DAB1: variants seen among roughly 807,000 people sequenced by gnomAD.
DAB1 encodes the protein DAB adaptor protein 1.
A neutral mutation model predicts 64.6 loss-of-function variants in DAB1; 15 were observed. The observed-to-expected ratio is 0.23, with a 90% CI of 0.16 to 0.36. The LOEUF (loss-of-function observed/expected upper bound fraction) is 0.36, where lower values mean the gene tolerates loss of function less well. Ranked by LOEUF, DAB1 falls within the 10% of genes least tolerant of loss-of-function variation. DAB1 has a pLI of 1.00. For synonymous variants in DAB1, 235 were observed against 251.9 expected, an observed-to-expected ratio of 0.93 and a Z score of 0.64; for missense variants, 596 against 706.7, an observed-to-expected ratio of 0.84 and a Z score of 1.78.
chr1:57,611,873 C>CT (rs1645730794), intron 7 of DAB1, among the ~76,000 whole-genome samples: 2 of 152,330 alleles, frequency 1.3e-5, no homozygotes. Flanking sequence ...TAAGGTCTTC[C>CT]TATTGCACTT....
intron 6 of DAB1, among the ~76,000 whole-genome samples, chr1:57,722,528 T>C (rs370177166): frequency 9.2e-5 from 14 of 152,296 alleles, no homozygotes; most frequent in African/African-American, 2.9e-4. Flanking sequence ...TTCCCAGCAG[T>C]GAATACCCAT....
intron 2 of DAB1, among the ~76,000 whole-genome samples, chr1:57,218,491 G>A (rs1666593332): frequency 8.4e-6 from 1 of 119,014 alleles, no homozygotes; most frequent in Non-Finnish European, 1.6e-5. Flanking sequence ...GCCAACCTGA[G>A]CAACATAGTG....
At chr1:57,735,368 T>A (rs576211464) in intron 6 of DAB1, among the ~76,000 whole-genome samples, 183 of 152,304 alleles carry the variant, frequency 1.2e-3, no homozygotes, top group African/African-American at 4.1e-3. Flanking sequence ...CACTGGAGGT[T>A]TGAAGTTTCA....
intron 7 of DAB1, among the ~76,000 whole-genome samples, chr1:57,615,700 G>GA (rs5774363): frequency 0.93 from 140,520 of 151,310 alleles, 65,438 homozygotes; most frequent in East Asian, 1. Flanking sequence ...TTGAGTCAAA[G>GA]AAAAAAAAGT....
At chr1:57,184,859 A>C (rs765501372) in intron 2 of DAB1, among the ~76,000 whole-genome samples, 1 of 151,942 alleles carries the variant, frequency 6.6e-6, no homozygotes, top group Admixed American at 6.6e-5. Flanking sequence ...CTTCTCCCCA[A>C]CTCAACCAGT....
chr1:57,604,571 C>A (rs1046079731), intron 7 of DAB1, among the ~76,000 whole-genome samples: 2 of 152,170 alleles, frequency 1.3e-5, no homozygotes, highest in African/African-American at 4.8e-5. Flanking sequence ...TTATAAACTA[C>A]GGACCCACAG....
At chr1:57,526,488 C>A (rs909282463) in intron 7 of DAB1, among the ~76,000 whole-genome samples, 21 of 152,108 alleles carry the variant, frequency 1.4e-4, no homozygotes, top group African/African-American at 4.8e-4. Flanking sequence ...GTCTATGGTT[C>A]ATCTAATTTA....
At chr1:57,731,900 A>G (rs1465658040) in intron 6 of DAB1, among the ~76,000 whole-genome samples, 6 of 152,128 alleles carry the variant, frequency 3.9e-5, no homozygotes, top group East Asian at 1.9e-4. Flanking sequence ...AATCCGAAAC[A>G]TATGTGTTTG....
chr1:57,999,273 A>T (rs948165318), intron 5 of DAB1, among the ~76,000 whole-genome samples: 3 of 152,184 alleles, frequency 2.0e-5, no homozygotes, highest in African/African-American at 7.2e-5. Flanking sequence ...AAGGTACTGA[A>T]GATCAGCCAG....
chr1:57,685,505 G>A lies in DAB1; in HGVS notation n.552-35840C>T, dbSNP rs377716552. ...CCATTGACAGTGTTAGATCAACAAG[G>A]TAGGAAACTAGCGAAGAAATTCTGG... On this transcript the variant is annotated intron_variant and non_coding_transcript_variant, in intron 6 of 20. Transcript: ENST00000485760. 1.8e-4 allele frequency among the ~76,000 whole-genome samples: 28 copies of A among 152,222 alleles called. 1 individual carries two copies. In the East Asian group the frequency reaches 3.5e-3, roughly 19 times the overall value.
At chr1:57,511,988 A>G (rs191700797) in intron 7 of DAB1, among the ~76,000 whole-genome samples, 47 of 152,304 alleles carry the variant, frequency 3.1e-4, no homozygotes, top group African/African-American at 1.1e-3. Flanking sequence ...TACAGTGTCA[A>G]GTGTTTTAAA....
At chr1:58,119,105 C>A (rs1402484749) in intron 5 of DAB1, among the ~76,000 whole-genome samples, 1 of 152,270 alleles carries the variant, frequency 6.6e-6, no homozygotes, top group East Asian at 1.9e-4. Context: ...TTAATAGGCA[C>A]TCAATCTATG....
chr1:57,251,865 G>T (rs932352682), intron 2 of DAB1, among the ~76,000 whole-genome samples: 1 of 152,156 alleles, frequency 6.6e-6, no homozygotes, highest in South Asian at 2.1e-4. Flanking sequence ...ATGGGCACAT[G>T]GTGTGCTGAG....
chr1:57,193,030 T>C (rs954296797), intron 2 of DAB1, among the ~76,000 whole-genome samples: 3 of 152,192 alleles, frequency 2.0e-5, no homozygotes, highest in Non-Finnish European at 4.4e-5. Flanking sequence ...CTAAACAACA[T>C]ACGTATTACC....
intron 1 of DAB1, among the ~76,000 whole-genome samples, chr1:57,374,643 TG>T (rs777406734): frequency 2.0e-5 from 3 of 152,344 alleles, no homozygotes; most frequent in Admixed American, 6.5e-5. Context: ...CTGCCCTTCC[TG>T]GTCTCTTCAG....
rs531972951 is a variant in DAB1, at chr1:58,430,869, G to A, written n.257+75191C>T. 3.3e-3 allele frequency among the ~76,000 whole-genome samples: 496 copies of A among 152,310 alleles called. 1 individual carries two copies. The highest frequency in any genetic ancestry group is 5.9e-3 in the African/African-American group (245 of 41,554). ...GCTAAACCTGTGGCTCAGTGTGAGC[G>A]AGAGCAAGCCGCATCTGGAGAGAAG... On this transcript the variant is annotated intron_variant and non_coding_transcript_variant, in intron 3 of 20. Coordinates refer to the DAB1 transcript ENST00000485760.
chr1:57,595,670 G>A (rs1354924954), intron 7 of DAB1, among the ~76,000 whole-genome samples: 1 of 151,518 alleles, frequency 6.6e-6, no homozygotes, highest in Non-Finnish European at 1.5e-5. Context: ...TAATCCCAGT[G>A]TTGGAGGTGG....
At chr1:57,922,845 C>CAAAAAAAAAAAAAAAGA (rs1644828255) in intron 5 of DAB1, among the ~76,000 whole-genome samples, 1 of 45,010 alleles carries the variant, frequency 2.2e-5, no homozygotes. Flanking sequence ...GACTCCATCT[C>CAAAAAAAAAAAAAAAGA]AAAAAAAAAA....
At chr1:57,183,037 A>T (rs1045680720) in intron 2 of DAB1, among the ~76,000 whole-genome samples, 1 of 152,188 alleles carries the variant, frequency 6.6e-6, no homozygotes, top group Non-Finnish European at 1.5e-5. Flanking sequence ...TCTGTCGTAG[A>T]TGATAGAACA....
Sources: allele counts gnomAD v4.1 joint callset (sites outside exome capture counted in the v4.1 genomes callset), GRCh38; gene constraint gnomAD v4.1.1; transcripts MANE v1.5; gene names NCBI Gene and HGNC (gene_info 2026-07-23, HGNC 2026-07-21).